Variants in SLC35F4 observed in about 807,000 individuals in gnomAD.
The protein encoded by SLC35F4 is solute carrier family 35 member F4, also known as chromosome 14 open reading frame 36.
Under a neutral mutation model 44.2 loss-of-function variants are expected in SLC35F4, and 24 were observed. The ratio of observed to expected loss-of-function variants is 0.54; its 90% CI spans 0.39 to 0.76. SLC35F4 has a LOEUF of 0.76. Ranked by LOEUF, SLC35F4 falls within the 30% of genes least tolerant of loss-of-function variation. The pLI is 0.00. For synonymous variants in SLC35F4, 238 were observed against 223.6 expected, an observed-to-expected ratio of 1.06 and a Z score of -0.57; for missense variants, 562 against 586.1, an observed-to-expected ratio of 0.96 and a Z score of 0.42.
intron 1 of SLC35F4, among the ~76,000 whole-genome samples, chr14:57,744,281 A>C (rs1192605320): frequency 6.6e-6 from 1 of 152,228 alleles, no homozygotes; most frequent in Non-Finnish European, 1.5e-5. Context: ...AGAGGAAGTC[A>C]AATTGTCCCT....
intron 1 of SLC35F4, among the ~76,000 whole-genome samples, chr14:57,765,196 T>C (rs933021773): frequency 2.0e-4 from 30 of 152,226 alleles, no homozygotes; most frequent in African/African-American, 1.4e-4. Context: ...GCATTAATGC[T>C]GTGCTATTGT....
chr14:57,974,618 A>C (rs1881157304), downstream of SLC35F4, among the ~76,000 whole-genome samples: 1 of 152,178 alleles, frequency 6.6e-6, no homozygotes, highest in Non-Finnish European at 1.5e-5. Flanking sequence ...AGAGCTTCAG[A>C]ATGGGCAGTT....
At chr14:57,797,754 G>A (rs547522245) in intron 1 of SLC35F4, among the ~76,000 whole-genome samples, 4 of 152,200 alleles carry the variant, frequency 2.6e-5, no homozygotes, top group African/African-American at 9.6e-5. Flanking sequence ...ATGAAACACT[G>A]GGTGATAAGT....
chr14:57,743,023 A>G (rs1391870289), intron 1 of SLC35F4, among the ~76,000 whole-genome samples: 1 of 152,200 alleles, frequency 6.6e-6, no homozygotes, highest in Non-Finnish European at 1.5e-5. Context: ...TTTGAAACCA[A>G]TGAGAACAAA....
chr14:57,700,373 T>C lies in SLC35F4; in HGVS notation c.104-106249A>G, dbSNP rs114521786. ...GGAAGTTTACAAGGAAGTTTACAAA[T>C]TGCTCTAGGTCAGTGAGCAACTGGT... On this transcript the variant is annotated intron_variant, in intron 1 of 7. Transcript: ENST00000556826. 9.5e-3 allele frequency among the ~76,000 whole-genome samples: 852 copies of C among 89,476 alleles called. 6 individuals carry two copies. The highest frequency in any genetic ancestry group is 0.041 in the African/African-American group (812 of 19,900). The allele number at this position is 89,476 out of a possible 152,430, so 58.7% of individuals were successfully genotyped here.
At chr14:57,926,494 G>A (rs981124394) in intron 1 of SLC35F4, among the ~76,000 whole-genome samples, 5 of 152,064 alleles carry the variant, frequency 3.3e-5, no homozygotes, top group African/African-American at 1.2e-4. Context: ...TACTAAAGGG[G>A]GAAACAACCT....
intron 1 of SLC35F4, among the ~76,000 whole-genome samples, chr14:57,702,731 A>G (rs1038029182): frequency 5.9e-5 from 9 of 152,272 alleles, no homozygotes; most frequent in Middle Eastern, 3.4e-3. Context: ...TTCTCTTTCC[A>G]AAGTGCTTTT....
intron 1 of SLC35F4, among the ~76,000 whole-genome samples, chr14:57,714,612 G>C (rs1399173046): frequency 6.6e-6 from 1 of 152,052 alleles, no homozygotes; most frequent in Non-Finnish European, 1.5e-5. Flanking sequence ...TTGCCTGCCT[G>C]AGTGCATTCA....
At chr14:57,968,795 C>T (rs1880966770) in intron 1 of SLC35F4, among the ~76,000 whole-genome samples, 1 of 152,084 alleles carries the variant, frequency 6.6e-6, no homozygotes, top group African/African-American at 2.4e-5. Flanking sequence ...ATAGTAAACC[C>T]CATCTTTGAA....
At chr14:57,968,779 T>C (rs1880965630) in intron 1 of SLC35F4, among the ~76,000 whole-genome samples, 1 of 152,164 alleles carries the variant, frequency 6.6e-6, no homozygotes, top group African/African-American at 2.4e-5. Flanking sequence ...GCACAACTGC[T>C]GGAACATAGT....
At chr14:57,629,250 T>C (rs1594638106) in intron 1 of SLC35F4, among the ~76,000 whole-genome samples, 1 of 152,124 alleles carries the variant, frequency 6.6e-6, no homozygotes, top group South Asian at 2.1e-4. Context: ...ACTGTCTCCC[T>C]GGGAAACCAT....
At chr14:57,798,741 A>G (rs1178229594) in intron 1 of SLC35F4, among the ~76,000 whole-genome samples, 2 of 152,208 alleles carry the variant, frequency 1.3e-5, no homozygotes, top group Admixed American at 1.3e-4. Context: ...AAATGTTGCC[A>G]TTTGATTTTT....
intron 1 of SLC35F4, among the ~76,000 whole-genome samples, chr14:57,772,080 T>C (rs990944651): frequency 1.3e-5 from 2 of 152,200 alleles, no homozygotes; most frequent in African/African-American, 2.4e-5. Flanking sequence ...GGAAAACATA[T>C]CTGTGAAGCA....
chr14:57,956,620 A>C (rs1890243475), intron 1 of SLC35F4, among the ~76,000 whole-genome samples: 1 of 152,240 alleles, frequency 6.6e-6, no homozygotes, highest in Admixed American at 6.5e-5. Flanking sequence ...CCCATGAAAA[A>C]GTGGGCAAAG....
At chr14:57,684,447 G>C (rs917978735) in intron 1 of SLC35F4, among the ~76,000 whole-genome samples, 1 of 152,154 alleles carries the variant, frequency 6.6e-6, no homozygotes, top group Non-Finnish European at 1.5e-5. Context: ...ATGCAACCTA[G>C]ATCCCTCACA....
chr14:57,842,807 G>A (rs763115311), intron 1 of SLC35F4, among the ~76,000 whole-genome samples: 8 of 152,178 alleles, frequency 5.3e-5, no homozygotes, highest in Non-Finnish European at 1.2e-4. Flanking sequence ...GTCTGTGAGG[G>A]TGTTGCCAAA....
In SLC35F4 at chr14:57,617,758, T is replaced by C. The variant is rs190482392; in HGVS notation, c.104-23634A>G. Among the ~76,000 whole-genome samples the C allele has an allele frequency of 3.4e-3, 523 of 152,288 alleles. 2 individuals are homozygous for C. The highest frequency in any genetic ancestry group is 0.012 in the African/African-American group (482 of 41,568). On this transcript the variant is annotated intron_variant, in intron 1 of 7. Coordinates refer to ENST00000556826, the MANE Select transcript of SLC35F4 (RefSeq NM_001306087.2). The stretch of plus-strand genomic sequence containing the variant: ...ACCAGGCTGGGGGCTCAAGCAAGCT[T>C]TCCTAGGGAAGTGATATCTAAGCAG...
At chr14:57,700,675 G>A (rs113183477) in intron 1 of SLC35F4, among the ~76,000 whole-genome samples, 4,294 of 152,164 alleles carry the variant, frequency 0.028, 194 homozygotes, top group African/African-American at 0.097. Context: ...GCTGAGGCGG[G>A]TGGATTGCTT....
At chr14:57,918,441 T>C (rs1889375805) in intron 1 of SLC35F4, among the ~76,000 whole-genome samples, 1 of 152,202 alleles carries the variant, frequency 6.6e-6, no homozygotes, top group Admixed American at 6.5e-5. Flanking sequence ...CTCACTTCTC[T>C]GTCAGATCTA....
Sources: gnomAD v4.1 joint callset for allele counts (sites outside exome capture counted in the v4.1 genomes callset) on GRCh38, gnomAD v4.1.1 for gene constraint, MANE v1.5 for transcripts, NCBI Gene and HGNC (gene_info 2026-07-23, HGNC 2026-07-21) for gene names.